Variants in CDH4 observed in about 807,000 individuals in gnomAD.
CDH4 encodes the protein cadherin-4.
In CDH4, 33 loss-of-function variants were observed where a neutral mutation model predicts 86.0. The observed-to-expected ratio is 0.38, with a 90% CI of 0.29 to 0.51. The LOEUF (loss-of-function observed/expected upper bound fraction) is 0.51, where lower values mean the gene tolerates loss of function less well. Among genes scored for constraint, CDH4 ranks in the 20% least tolerant of loss-of-function variants. The pLI is 0.86. For synonymous variants in CDH4, 555 were observed against 549.4 expected (o/e 1.01, Z -0.14); for missense variants, 1,114 against 1,307.4 (o/e 0.85, Z 2.28).
At position 61,811,951 on chromosome 20, in the gene CDH4, C is replaced by T. The variant is rs1318898021; in HGVS notation, c.577-32717C>T. On this transcript the variant is annotated intron_variant, in intron 4 of 15. Transcript: ENST00000614565. This position sits in a 1 kb window ranked among gnomAD's most constrained non-coding sequence, Gnocchi z 4.4. The stretch of plus-strand genomic sequence containing the variant: ...CCTCCCAAAGTGCTAGGATTATAGG[C>T]ATGAGCCACTGCACCTAGCCGCCTG... Among the ~76,000 whole-genome samples, 1 of 152,242 alleles carries T rather than the reference C, an allele frequency of 6.6e-6. No individual in the cohort carries two copies. The highest frequency in any genetic ancestry group is 1.9e-4 in the East Asian group (1 of 5,176).
chr20:61,641,006 T>G (rs1006534717), intron 2 of CDH4, among the ~76,000 whole-genome samples: 1 of 152,126 alleles, frequency 6.6e-6, no homozygotes, highest in Non-Finnish European at 1.5e-5. Flanking sequence ...CTACGTTTGC[T>G]GCACGTGGCT....
intron 3 of CDH4, among the ~76,000 whole-genome samples, chr20:61,745,541 G>T (rs532845450): frequency 6.6e-6 from 1 of 152,216 alleles, no homozygotes; most frequent in Non-Finnish European, 1.5e-5. Flanking sequence ...AGCAGAGCAC[G>T]CCTCTAACGG....
At chr20:61,606,195 A>G (rs1263841631) in intron 2 of CDH4, among the ~76,000 whole-genome samples, 1 of 152,156 alleles carries the variant, frequency 6.6e-6, no homozygotes, top group East Asian at 1.9e-4. Flanking sequence ...CACGCAGCAG[A>G]TGTGGATAGA....
At chr20:61,559,461 C>A (rs990709864) in intron 2 of CDH4, among the ~76,000 whole-genome samples, 1 of 151,086 alleles carries the variant, frequency 6.6e-6, no homozygotes, top group Non-Finnish European at 1.5e-5. Context: ...TTTCACTGGT[C>A]TGATCCAGCA....
At chr20:61,462,567 C>T (rs1484167847) in intron 2 of CDH4, among the ~76,000 whole-genome samples, 2 of 152,246 alleles carry the variant, frequency 1.3e-5, no homozygotes, top group Non-Finnish European at 2.9e-5. Flanking sequence ...CCACCACTCA[C>T]TCAGCTTGTG....
At chr20:61,601,757 A>T (rs572298026) in intron 2 of CDH4, among the ~76,000 whole-genome samples, 6 of 152,338 alleles carry the variant, frequency 3.9e-5, no homozygotes, top group Admixed American at 2.6e-4. Context: ...GAGGAGATGG[A>T]TGCATTCCCT....
intron 4 of CDH4, among the ~76,000 whole-genome samples, chr20:61,809,952 G>A (rs1001420450): frequency 3.3e-5 from 5 of 152,170 alleles, no homozygotes; most frequent in African/African-American, 4.8e-5. Flanking sequence ...GGCAGTCAGG[G>A]GAGGAAGATG....
intron 3 of CDH4, among the ~76,000 whole-genome samples, chr20:61,767,055 T>C (rs922423477): frequency 1.3e-5 from 2 of 152,214 alleles, no homozygotes; most frequent in African/African-American, 4.8e-5. Context: ...CTTCATCCCT[T>C]GAGCTTGATG....
intron 7 of CDH4, among the ~76,000 whole-genome samples, chr20:61,877,623 G>A (rs918189769): frequency 3.3e-5 from 5 of 152,166 alleles, no homozygotes; most frequent in African/African-American, 7.2e-5. Context: ...GGGCGGTCCC[G>A]TGTCTTCCTC....
chr20:61,578,924 C>T (rs1246608583), intron 2 of CDH4, among the ~76,000 whole-genome samples: 2 of 152,182 alleles, frequency 1.3e-5, no homozygotes, highest in East Asian at 1.9e-4. Flanking sequence ...GCTTCTTTCT[C>T]ATCCATTCGG....
At chr20:61,256,103 G>A (rs1458029630) in intron 2 of CDH4, among the ~76,000 whole-genome samples, 2 of 152,212 alleles carry the variant, frequency 1.3e-5, no homozygotes, top group Non-Finnish European at 2.9e-5. Flanking sequence ...TAATTGCACT[G>A]TGTATGTCAC....
At chr20:61,860,925 G>A (rs902976594) in intron 6 of CDH4, among the ~76,000 whole-genome samples, 1 of 152,148 alleles carries the variant, frequency 6.6e-6, no homozygotes, top group African/African-American at 2.4e-5. Flanking sequence ...AGTACCCGGG[G>A]GACCCTCTGG....
At chr20:61,828,800 G>A (rs1981446938) in intron 4 of CDH4, among the ~76,000 whole-genome samples, 1 of 152,216 alleles carries the variant, frequency 6.6e-6, no homozygotes, top group Non-Finnish European at 1.5e-5. Flanking sequence ...CTCAGCGTAT[G>A]CTTGTAAAGA....
rs773275285 is a variant in CDH4 at position 61,929,724 on chromosome 20, A to T, written c.2121A>T (p.Lys707Asn). 9.9e-6 allele frequency: 16 copies of T among 1,614,054 alleles called. No homozygotes were observed. In the East Asian group the frequency reaches 3.3e-4, roughly 34 times the overall value. ...NPPLSNTSIIKVKVCPCDDNG... is the reference protein window; with the variant it reads ...NPPLSNTSIINVKVCPCDDNG... Reference sequence around the variant, plus strand: ...CCCTGTCCAACACGTCCATCATCAAAGTCAAGGTGTGCCCATGTGATGACA... The same window carrying T: ...CCCTGTCCAACACGTCCATCATCAATGTCAAGGTGTGCCCATGTGATGACA... Residue 707 changes from lysine to asparagine, a missense_variant, in exon 13 of 16, where the codon AAA becomes AAT. Transcript: ENST00000614565.
chr20:61,629,051 G>A (rs1209464109), intron 2 of CDH4, among the ~76,000 whole-genome samples: 2 of 152,252 alleles, frequency 1.3e-5, no homozygotes, highest in East Asian at 3.9e-4. Context: ...TGCGGGAGCC[G>A]CCTCTGATCT....
intron 2 of CDH4, among the ~76,000 whole-genome samples, chr20:61,398,564 C>T (rs780606834): frequency 1.3e-5 from 2 of 152,144 alleles, no homozygotes; most frequent in Non-Finnish European, 2.9e-5. Flanking sequence ...GGGAGTCTCC[C>T]GGCGAAATTC....
At chr20:61,565,102 T>TGGTC (rs2086258676) in intron 2 of CDH4, among the ~76,000 whole-genome samples, 1 of 102,092 alleles carries the variant, frequency 9.8e-6, no homozygotes, top group African/African-American at 3.9e-5. Context: ...TTGGTGGTGC[T>TGGTC]CTTGGTGGTG....
intron 2 of CDH4, among the ~76,000 whole-genome samples, chr20:61,310,502 A>G (rs560886361): frequency 6.6e-6 from 1 of 152,270 alleles, no homozygotes; most frequent in East Asian, 1.9e-4. Context: ...CGCGGTTCAC[A>G]GTAGGGTTTG....
intron 2 of CDH4, among the ~76,000 whole-genome samples, chr20:61,653,455 A>C (rs1330840411): frequency 2.2e-5 from 3 of 133,742 alleles, no homozygotes; most frequent in Non-Finnish European, 3.4e-5. Context: ...TGTTGGGTAC[A>C]CCTCCCAGAC....
Sources: gnomAD v4.1 joint callset for allele counts (sites outside exome capture counted in the v4.1 genomes callset) on GRCh38, gnomAD v4.1.1 for gene constraint, Gnocchi (gnomAD v3.1) non-coding constraint, MANE v1.5 for transcripts, NCBI Gene and HGNC (gene_info 2026-07-23, HGNC 2026-07-21) for gene names.